BCL7A: variants seen among roughly 807,000 people sequenced by gnomAD.
BCL7A encodes B-cell CLL/lymphoma 7 protein family member A.
Under a neutral mutation model 28.4 loss-of-function variants are expected in BCL7A, and 11 were observed. That is an observed-to-expected ratio of 0.39 (90% CI 0.24 to 0.64). The LOEUF (loss-of-function observed/expected upper bound fraction) is 0.64. BCL7A is among the 30% of genes least tolerant of loss of function. The pLI is 0.50. For missense variants in BCL7A, 222 were observed against 274.8 expected (o/e 0.81, Z 1.36); for synonymous variants, 123 against 103.3 (o/e 1.19, Z -1.15).
intron 2 of BCL7A, among the ~76,000 whole-genome samples, chr12:122,032,933 G>A (rs986519937): frequency 2.0e-5 from 3 of 152,144 alleles, no homozygotes; most frequent in African/African-American, 4.8e-5. Context: ...ATCACCAGCC[G>A]CTGAGTCTCT....
chr12:122,027,869 T>C (rs1048012612), intron 1 of BCL7A, among the ~76,000 whole-genome samples: 5 of 152,062 alleles, frequency 3.3e-5, no homozygotes, highest in African/African-American at 1.2e-4. Flanking sequence ...AATAAGAAAG[T>C]GATGAGTATA....
rs548843572 is a variant in BCL7A, at chr12:122,061,921, AT to A, written c.*2772del. On this transcript the variant is annotated 3_prime_UTR_variant, in exon 6 of 6. Transcript: ENST00000261822. Reference sequence around the variant, plus strand: ...TACCTAATTTTTTCCCCTTTCAAGAATTTTTTTTTTTTTTGGTGTGTTGTAC... The same window carrying A: ...TACCTAATTTTTTCCCCTTTCAAGAATTTTTTTTTTTTTGGTGTGTTGTAC... The A allele has an allele frequency of 0.045, 7,992 of 178,496 alleles. 4 individuals carry two copies. Among genetic ancestry groups the A allele is most frequent in the Middle Eastern group, 0.11 (58 of 528 alleles). The allele number at this position is 178,496 out of a possible 1,614,324, so 11.1% of individuals were successfully genotyped here.
rs117139484 is a variant in BCL7A at position 122,031,307 on chromosome 12, C to T, written c.174+526C>T. Among the ~76,000 whole-genome samples, 1,481 of 152,194 alleles carry T rather than the reference C, an allele frequency of 9.7e-3. 8 individuals are homozygous for T. The highest frequency in any genetic ancestry group is 0.015 in the Non-Finnish European group (1,023 of 68,012). On this transcript the variant is annotated intron_variant, in intron 2 of 5. Coordinates refer to ENST00000261822, the MANE Select transcript of BCL7A (RefSeq NM_001024808.3). ...GCCTCCCAAAGTGCTGGAGTTAAGG[C>T]GTGAACCAGTGCGCCCGGCCTGCAA...
rs1324053846 is a variant in BCL7A, at chr12:122,021,911, G to A, written c.-181G>A. 3.1e-5 allele frequency: 13 copies of A among 424,894 alleles called. No individual in the cohort carries two copies. In the East Asian group the frequency reaches 3.3e-4, roughly 11 times the overall value. The allele number at this position is 424,894 out of a possible 1,614,324, so 26.3% of individuals were successfully genotyped here. A position where few individuals can be genotyped will look rare whatever the true frequency, so the allele number is the denominator to read the frequency against. On this transcript the variant is annotated 5_prime_UTR_variant, in exon 1 of 6. Transcript: ENST00000261822. ...ACTGGGCCAGGCGCGCGGCGGCCCC[G>A]GGCTTTGTGTGTGTGTGTATGTGTG...
chr12:122,025,998 G>T (rs1262086094), intron 1 of BCL7A, among the ~76,000 whole-genome samples: 2 of 148,224 alleles, frequency 1.3e-5, no homozygotes, highest in African/African-American at 5.0e-5. Context: ...GGCCGGGCAC[G>T]TTGGCTCACA....
At chr12:122,034,120 A>G (rs576282400) in intron 2 of BCL7A, among the ~76,000 whole-genome samples, 1 of 149,292 alleles carries the variant, frequency 6.7e-6, no homozygotes, top group African/African-American at 2.5e-5. Context: ...GCATGCACAT[A>G]CAGAGCATGC....
chr12:122,023,109 T>G (rs977709655), intron 1 of BCL7A, among the ~76,000 whole-genome samples: 3 of 152,306 alleles, frequency 2.0e-5, no homozygotes, highest in South Asian at 4.1e-4. Context: ...CGGTCGACAT[T>G]AAGGGGATCG....
intron 5 of BCL7A, among the ~76,000 whole-genome samples, chr12:122,057,759 C>T (rs769860036): frequency 1.3e-5 from 2 of 152,192 alleles, no homozygotes; most frequent in African/African-American, 4.8e-5. Context: ...GACCCTTTCC[C>T]CCAGAATAAC....
chr12:122,023,529 T>G (rs1883526901), intron 1 of BCL7A, among the ~76,000 whole-genome samples: 1 of 152,280 alleles, frequency 6.6e-6, no homozygotes, highest in African/African-American at 2.4e-5. Context: ...ATCAATAAAG[T>G]CCACGTGCTC....
chr12:122,054,578 G>C (rs1251156382), intron 4 of BCL7A, among the ~76,000 whole-genome samples: 1 of 152,164 alleles, frequency 6.6e-6, no homozygotes, highest in East Asian at 1.9e-4. Context: ...AAGTGTGCAG[G>C]AGAGGGTTGC....
chr12:122,030,829 C>T (rs748886395), intron 2 of BCL7A, 48 bp downstream of exon 2: 24 of 1,562,354 alleles, frequency 1.5e-5, no homozygotes, highest in Admixed American at 1.0e-4. Flanking sequence ...CATTCGTGCT[C>T]CTCCCACCAT....
intron 4 of BCL7A, 138 bp from the exon 5 acceptor site, chr12:122,054,667 A>T: frequency 1.2e-6 from 1 of 829,414 alleles, no homozygotes; most frequent in Non-Finnish European, 1.9e-6. Context: ...CCAGCCCTCC[A>T]GCCCCCCAGC....
At chr12:122,047,754 G>C (rs1019971825) in intron 4 of BCL7A, among the ~76,000 whole-genome samples, 4 of 151,294 alleles carry the variant, frequency 2.6e-5, no homozygotes, top group Non-Finnish European at 4.4e-5. Context: ...TTGAACTTCT[G>C]GGCTCCAGTG....
At chr12:122,023,247 T>A (rs2135834290) in intron 1 of BCL7A, among the ~76,000 whole-genome samples, 1 of 152,236 alleles carries the variant, frequency 6.6e-6, no homozygotes, top group African/African-American at 2.4e-5. Flanking sequence ...AACTTTATTA[T>A]TTTTTTCCCA....
rs1342722403 is a variant in BCL7A at position 122,059,240 on chromosome 12, C to T, written c.*77C>T. On this transcript the variant is annotated 3_prime_UTR_variant, in exon 6 of 6. Coordinates refer to ENST00000261822, the MANE Select transcript of BCL7A (RefSeq NM_001024808.3). This position sits in a 1 kb window ranked among gnomAD's most constrained non-coding sequence, Gnocchi z 4.0. ...TAATTCTAGAGCAACTTTGCCCCAG[C>T]GATTCCTCTTGGGTGCGAACAGAAC... 20 of 1,394,632 alleles carry T rather than the reference C, an allele frequency of 1.4e-5. No individual in the cohort carries two copies. Among genetic ancestry groups the T allele is most frequent in the Middle Eastern group, 1.8e-4 (1 of 5,646 alleles). The allele number at this position is 1,394,632 out of a possible 1,614,324, so 86.4% of individuals were successfully genotyped here. A position where few individuals can be genotyped will look rare whatever the true frequency, so the allele number is the denominator to read the frequency against.
chr12:122,023,552 T>C (rs1446996521), intron 1 of BCL7A, among the ~76,000 whole-genome samples: 3 of 152,130 alleles, frequency 2.0e-5, no homozygotes, highest in Non-Finnish European at 4.4e-5. Flanking sequence ...CGGCCTCCTA[T>C]GGAAAGGGCT....
intron 4 of BCL7A, among the ~76,000 whole-genome samples, chr12:122,049,611 G>A (rs1593034369): frequency 6.6e-6 from 1 of 152,112 alleles, no homozygotes; most frequent in African/African-American, 2.4e-5. Flanking sequence ...GAACCCAGGA[G>A]GCAGAGATTG....
rs1883469127 is a variant in BCL7A, at chr12:122,021,996, G to C, written c.-96G>C. ...TGAGAGTGCGAGTGTCTGTGCGCGA[G>C]TGAGTGAGCGGCGGGCGGGCGCGAG... is the stretch of plus-strand genomic sequence containing the variant. On this transcript the variant is annotated 5_prime_UTR_variant, in exon 1 of 6. Transcript: ENST00000261822. The C allele has an allele frequency of 2.0e-6, 2 of 991,374 alleles. No individual in the cohort carries two copies. Among genetic ancestry groups the C allele is most frequent in the Non-Finnish European group, 3.0e-6 (2 of 666,312 alleles). 61.4% of individuals were successfully genotyped at this position (991,374 alleles called of 1,614,324 possible).
rs1212733508 is a variant in BCL7A, at chr12:122,047,414, C to T, written c.439+3361C>T. ...TATTGGGCGCCTGTAGTCCCGGCTA[C>T]TCGGGAGGCTGAGGCAGGAGAATGG... On this transcript the variant is annotated intron_variant, in intron 4 of 5. Coordinates refer to ENST00000261822, the MANE Select transcript of BCL7A (RefSeq NM_001024808.3). 2.6e-5 allele frequency among the ~76,000 whole-genome samples: 4 copies of T among 152,028 alleles called. No individual in the cohort carries two copies. In the East Asian group the frequency reaches 7.9e-4, roughly 30 times the overall value.
Sources: gnomAD v4.1 joint callset for allele counts (sites outside exome capture counted in the v4.1 genomes callset) on GRCh38, gnomAD v4.1.1 for gene constraint, Gnocchi (gnomAD v3.1) non-coding constraint, MANE v1.5 for transcripts, NCBI Gene and HGNC (gene_info 2026-07-23, HGNC 2026-07-21) for gene names.